CCNT2: variants seen among roughly 807,000 people sequenced by gnomAD.
CCNT2 encodes cyclin T2.
CCNT2 carries 18 observed loss-of-function variants against 70.0 expected under a neutral mutation model. The ratio of observed to expected loss-of-function variants is 0.26; its 90% confidence interval spans 0.18 to 0.38. CCNT2 has a LOEUF of 0.38. Among genes scored for constraint, CCNT2 ranks in the 10% least tolerant of loss-of-function variants. The probability of loss-of-function intolerance (pLI) is 1.00; values close to 1 mark genes in which losing one functional copy is unlikely to be tolerated. For missense variants in CCNT2, 734 were observed against 890.2 expected (o/e 0.82, Z 2.23); for synonymous variants, 334 against 313.3 (o/e 1.07, Z -0.70).
chr2:134,942,899 A>G, intron 5 of CCNT2: 4 of 1,327,902 alleles, frequency 3.0e-6, no homozygotes, highest in Middle Eastern at 2.9e-4. Flanking sequence ...TCATTTCACT[A>G]AAACTCCGGA....
intron 2 of CCNT2, among the ~76,000 whole-genome samples, chr2:134,929,787 A>G (rs913123190): frequency 6.6e-6 from 1 of 150,618 alleles, no homozygotes; most frequent in Admixed American, 6.6e-5. Flanking sequence ...AGTAGCTGGG[A>G]TTACAGGCAT....
chr2:134,945,115 T>G, intron 5 of CCNT2: 1 of 985,430 alleles, frequency 1.0e-6, no homozygotes, highest in African/African-American at 1.7e-5. Flanking sequence ...GCTTTGACAC[T>G]CTTCCTTAGC....
intron 3 of CCNT2, among the ~76,000 whole-genome samples, chr2:134,937,411 A>T (rs1294371305): frequency 6.6e-6 from 1 of 152,180 alleles, no homozygotes; most frequent in Non-Finnish European, 1.5e-5. Context: ...TAATGCATGT[A>T]CTACTGCTTA....
At chr2:134,943,649 AT>A in intron 5 of CCNT2, 1 of 984,474 alleles carries the variant, frequency 1.0e-6, no homozygotes, top group Non-Finnish European at 1.2e-6. Flanking sequence ...GTAGTATCTG[AT>A]ACAGCATTTT....
intron 2 of CCNT2, among the ~76,000 whole-genome samples, chr2:134,930,454 T>C (rs541169303): frequency 6.6e-6 from 1 of 152,370 alleles, no homozygotes; most frequent in South Asian, 2.1e-4. Context: ...AATGCTGCTA[T>C]GAACATTCAT....
chr2:134,951,084 A>G (rs1329419470), intron 7 of CCNT2, among the ~76,000 whole-genome samples: 1 of 150,052 alleles, frequency 6.7e-6, no homozygotes, highest in African/African-American at 2.5e-5. Context: ...AGGTCTGGGC[A>G]TTAGGGTTTT....
intron 2 of CCNT2, among the ~76,000 whole-genome samples, chr2:134,931,979 T>C (rs2105036624): frequency 6.6e-6 from 1 of 152,122 alleles, no homozygotes; most frequent in East Asian, 1.9e-4. Context: ...ACTTTATAAG[T>C]TGGTTTTTTT....
chr2:134,947,469 C>T (rs1275336139), intron 6 of CCNT2, among the ~76,000 whole-genome samples: 1 of 151,918 alleles, frequency 6.6e-6, no homozygotes, highest in Admixed American at 6.6e-5. Context: ...TTATAAAATA[C>T]TTCAATTTTA....
chr2:134,951,943 T>G (rs926159189), intron 7 of CCNT2, among the ~76,000 whole-genome samples: 1 of 152,218 alleles, frequency 6.6e-6, no homozygotes. Flanking sequence ...TCTTTCCTTG[T>G]CTTTCATAAC....
intron 4 of CCNT2, 106 bp from the exon 5 acceptor site, chr2:134,942,506 C>A: frequency 1.7e-6 from 1 of 582,712 alleles, no homozygotes; most frequent in South Asian, 4.1e-5. Context: ...AAACTTATAA[C>A]TTTGGATTTT....
intron 4 of CCNT2, among the ~76,000 whole-genome samples, chr2:134,940,367 TATGTC>T (rs1207981237): frequency 9.1e-6 from 1 of 109,684 alleles, no homozygotes; most frequent in Admixed American, 9.7e-5. Context: ...AAAAATTGGA[TATGTC>T]ATGAATGCAT....
At chr2:134,939,093 G>A in intron 4 of CCNT2, 31 bp downstream of exon 4, 1 of 1,405,260 alleles carries the variant, frequency 7.1e-7, no homozygotes, top group Non-Finnish European at 1.0e-6. Context: ...ATGGCTTTTT[G>A]TGTGTATTTC....
chr2:134,924,998 C>A (rs368502896), intron 2 of CCNT2, among the ~76,000 whole-genome samples: 147 of 152,230 alleles, frequency 9.7e-4, no homozygotes, highest in African/African-American at 3.4e-3. Context: ...TTACTGTGTT[C>A]CTTTTTTCTT....
chr2:134,939,634 T>G (rs887603940), intron 4 of CCNT2, among the ~76,000 whole-genome samples: 4 of 152,028 alleles, frequency 2.6e-5, no homozygotes, highest in African/African-American at 9.7e-5. Flanking sequence ...CCTGGTTATT[T>G]TTTTGTAATT....
chr2:134,932,530 CTT>C (rs1274012374), intron 2 of CCNT2, among the ~76,000 whole-genome samples: 3 of 152,118 alleles, frequency 2.0e-5, no homozygotes, highest in Non-Finnish European at 2.9e-5. Flanking sequence ...AATTAGGTAT[CTT>C]AACATCCAGC....
chr2:134,946,597 T>A (rs1412368684), intron 6 of CCNT2: 1 of 188,994 alleles, frequency 5.3e-6, no homozygotes, highest in Non-Finnish European at 9.8e-6. Flanking sequence ...TAATTTGAAA[T>A]TTTTTTTCAG....
intron 7 of CCNT2, among the ~76,000 whole-genome samples, chr2:134,949,610 A>T (rs1392421404): frequency 6.6e-6 from 1 of 152,130 alleles, no homozygotes; most frequent in African/African-American, 2.4e-5. Flanking sequence ...GCATGATTAT[A>T]ATGTTTTTCT....
chr2:134,936,765 C>CAGAAA, intron 2 of CCNT2, 76 bp from the exon 3 acceptor site: 1 of 1,337,212 alleles, frequency 7.5e-7, no homozygotes, highest in African/African-American at 1.5e-5. Context: ...AAAAAAAAAA[C>CAGAAA]AGAAAAGAAA....
intron 4 of CCNT2, 116 bp downstream of exon 4, chr2:134,939,178 T>C (rs1681381133): frequency 1.3e-6 from 1 of 757,792 alleles, no homozygotes; most frequent in Non-Finnish European, 2.2e-6. Flanking sequence ...TAAAACAGGT[T>C]TTAGACAGAA....
Sources: allele counts gnomAD v4.1 joint callset (sites outside exome capture counted in the v4.1 genomes callset), GRCh38; gene constraint gnomAD v4.1.1; transcripts MANE v1.5; gene names NCBI Gene and HGNC (gene_info 2026-07-23, HGNC 2026-07-21).